RTN1: variants seen among roughly 807,000 people sequenced by gnomAD.
The protein encoded by RTN1 is reticulon 1.
A neutral mutation model predicts 65.5 loss-of-function variants in RTN1; 25 were observed. The ratio of observed to expected loss-of-function variants is 0.38; its 90% CI spans 0.28 to 0.53. The LOEUF is 0.53. RTN1 is among the 20% of genes least tolerant of loss of function. The pLI is 0.79. For missense variants in RTN1, 983 were observed against 1,025.4 expected, an observed-to-expected ratio of 0.96 and a Z score of 0.57; for synonymous variants, 471 against 447.6, an observed-to-expected ratio of 1.05 and a Z score of -0.66.
At chr14:59,737,994 A>C (rs1247653471) in intron 2 of RTN1, among the ~76,000 whole-genome samples, 3 of 152,164 alleles carry the variant, frequency 2.0e-5, no homozygotes, top group Non-Finnish European at 2.9e-5. Flanking sequence ...TTCCTTACAC[A>C]TGTACAAAAA....
chr14:59,755,692 C>T (rs1885623859), intron 1 of RTN1, among the ~76,000 whole-genome samples: 1 of 152,156 alleles, frequency 6.6e-6, no homozygotes. Flanking sequence ...TCTATGTCAC[C>T]TAGAAAACAT....
chr14:59,782,832 TTCTC>T (rs367811693), intron 1 of RTN1, among the ~76,000 whole-genome samples: 2 of 152,038 alleles, frequency 1.3e-5, no homozygotes, highest in South Asian at 2.1e-4. Context: ...TTGGTGCAGT[TTCTC>T]TCTCTCTCTT....
intron 3 of RTN1, among the ~76,000 whole-genome samples, chr14:59,642,215 T>C (rs1207553171): frequency 6.6e-6 from 1 of 152,164 alleles, no homozygotes; most frequent in Non-Finnish European, 1.5e-5. Context: ...TAATTAGTCT[T>C]TTTGTTGCTT....
chr14:59,692,752 A>T (rs1412484277), intron 3 of RTN1, among the ~76,000 whole-genome samples: 1 of 152,222 alleles, frequency 6.6e-6, no homozygotes, highest in Admixed American at 6.5e-5. Context: ...CCCAGAAATA[A>T]AACTGCACAC....
At chr14:59,661,338 A>G (rs541659455) in intron 3 of RTN1, among the ~76,000 whole-genome samples, 1 of 151,568 alleles carries the variant, frequency 6.6e-6, no homozygotes, top group African/African-American at 2.4e-5. Flanking sequence ...AGGAGCTGGT[A>G]CCATTCCTTC....
chr14:59,711,249 T>C, intron 3 of RTN1, among the ~76,000 whole-genome samples: 1 of 152,204 alleles, frequency 6.6e-6, no homozygotes, highest in East Asian at 1.9e-4. Context: ...AAGAAAAGGC[T>C]GAACACAGGC....
At chr14:59,679,246 A>G (rs532114084) in intron 3 of RTN1, among the ~76,000 whole-genome samples, 1 of 152,370 alleles carries the variant, frequency 6.6e-6, no homozygotes, top group African/African-American at 2.4e-5. Flanking sequence ...GAAGTTGCAC[A>G]GGTGCTCTGA....
chr14:59,762,719 T>C (rs1885774413), intron 1 of RTN1, among the ~76,000 whole-genome samples: 2 of 152,236 alleles, frequency 1.3e-5, no homozygotes, highest in South Asian at 2.1e-4. Context: ...CTGATCAATG[T>C]TCATCTCTTA....
chr14:59,695,595 T>C (rs1884046599), intron 3 of RTN1, among the ~76,000 whole-genome samples: 1 of 152,146 alleles, frequency 6.6e-6, no homozygotes, highest in Non-Finnish European at 1.5e-5. Flanking sequence ...CCCTGATGTA[T>C]TGTACAGAAG....
At chr14:59,812,052 G>A (rs535313891) in intron 1 of RTN1, among the ~76,000 whole-genome samples, 1 of 152,252 alleles carries the variant, frequency 6.6e-6, no homozygotes, top group Admixed American at 6.5e-5. Flanking sequence ...AGGTGTGATA[G>A]CACCTCACTG....
intron 3 of RTN1, among the ~76,000 whole-genome samples, chr14:59,674,428 A>T (rs910667557): frequency 6.6e-6 from 1 of 152,244 alleles, no homozygotes; most frequent in African/African-American, 2.4e-5. Context: ...AAGCAGCCAC[A>T]ATGCAGGTGA....
intron 3 of RTN1, among the ~76,000 whole-genome samples, chr14:59,638,004 A>G (rs2140189850): frequency 6.6e-6 from 1 of 152,062 alleles, no homozygotes; most frequent in South Asian, 2.1e-4. Flanking sequence ...AGCACCTGCC[A>G]CCACGCCCAG....
intron 3 of RTN1, among the ~76,000 whole-genome samples, chr14:59,721,438 G>C (rs1438186276): frequency 1.3e-5 from 2 of 152,218 alleles, no homozygotes; most frequent in East Asian, 3.8e-4. Flanking sequence ...TTCTTAGAAG[G>C]TCTGGGCTGC....
At chr14:59,788,992 G>A (rs1221635837) in intron 1 of RTN1, among the ~76,000 whole-genome samples, 1 of 151,892 alleles carries the variant, frequency 6.6e-6, no homozygotes, top group Non-Finnish European at 1.5e-5. Flanking sequence ...ATGCCATTTG[G>A]TAGATTTTCA....
intron 3 of RTN1, among the ~76,000 whole-genome samples, chr14:59,642,261 T>C (rs2140192570): frequency 6.6e-6 from 1 of 152,348 alleles, no homozygotes; most frequent in South Asian, 2.1e-4. Flanking sequence ...TTTTAAGATT[T>C]TCTCTTTAGC....
At chr14:59,777,455 A>C (rs1886073114) in intron 1 of RTN1, among the ~76,000 whole-genome samples, 4 of 152,166 alleles carry the variant, frequency 2.6e-5, no homozygotes, top group Admixed American at 2.6e-4. Flanking sequence ...TATCCTTTTA[A>C]GTGTGTGCTG....
rs540977363 is a variant in RTN1, at chr14:59,852,355, C to T, written c.241+18035G>A. 1.3e-3 allele frequency among the ~76,000 whole-genome samples: 204 copies of T among 152,230 alleles called. 1 individual carries two copies. Among genetic ancestry groups the T allele is most frequent in the South Asian group, 3.1e-3 (15 of 4,826 alleles). On this transcript the variant is annotated intron_variant, in intron 1 of 8. Transcript: ENST00000267484. Reference sequence around the variant, plus strand: ...ACTTTACATAAAATTGAGAAAAAAACTGATTTTCCACATTGAAGAATACAT... The same window carrying T: ...ACTTTACATAAAATTGAGAAAAAAATTGATTTTCCACATTGAAGAATACAT...
At chr14:59,684,010 AT>A (rs1883796771) in intron 3 of RTN1, among the ~76,000 whole-genome samples, 1 of 152,104 alleles carries the variant, frequency 6.6e-6, no homozygotes, top group Non-Finnish European at 1.5e-5. Flanking sequence ...AGGCTTCTGC[AT>A]TTAAAGTTTT....
At chr14:59,759,842 G>A (rs570623039) in intron 1 of RTN1, among the ~76,000 whole-genome samples, 1 of 152,128 alleles carries the variant, frequency 6.6e-6, no homozygotes, top group Non-Finnish European at 1.5e-5. Context: ...ATTCAAAAGA[G>A]TTTGGCAACA....
Sources: allele counts gnomAD v4.1 joint callset (sites outside exome capture counted in the v4.1 genomes callset), GRCh38; gene constraint gnomAD v4.1.1; transcripts MANE v1.5; gene names NCBI Gene and HGNC (gene_info 2026-07-23, HGNC 2026-07-21).